KLF15: variants seen among roughly 807,000 people sequenced by gnomAD.
KLF15 encodes KLF transcription factor 15.
A neutral mutation model predicts 24.6 loss-of-function variants in KLF15; 4 were observed. That is an observed-to-expected ratio of 0.16 (90% CI 0.08 to 0.37). The LOEUF (loss-of-function observed/expected upper bound fraction) is 0.37, where lower values mean the gene tolerates loss of function less well. Ranked by LOEUF, KLF15 falls within the 10% of genes least tolerant of loss-of-function variation. The probability of loss-of-function intolerance (pLI) is 1.00; values close to 1 mark genes in which losing one functional copy is unlikely to be tolerated. For missense variants in KLF15, 496 were observed against 560.6 expected (o/e 0.88, Z 1.16); for synonymous variants, 246 against 236.3 (o/e 1.04, Z -0.37).
At chr3:126,319,163 C>A in the KLF15 span, among the ~76,000 whole-genome samples, 5 of 152,160 alleles carry the variant, frequency 3.3e-5, no homozygotes, top group Non-Finnish European at 1.5e-5. Context: ...TCCATCGTCT[C>A]GATGTACCAC....
At chr3:126,328,345 G>T in the KLF15 span, among the ~76,000 whole-genome samples, 2 of 152,188 alleles carry the variant, frequency 1.3e-5, no homozygotes, top group African/African-American at 4.8e-5. Context: ...ATGGGCTTTT[G>T]GGTTGGTTCT....
chr3:126,320,576 T>C, the KLF15 span, among the ~76,000 whole-genome samples: 2 of 152,226 alleles, frequency 1.3e-5, no homozygotes, highest in African/African-American at 4.8e-5. Flanking sequence ...ACACAAGTAT[T>C]GCACATACAG....
At chr3:126,339,143 G>A (rs2082460886), downstream of KLF15, among the ~76,000 whole-genome samples, 1 of 152,164 alleles carries the variant, frequency 6.6e-6, no homozygotes, top group South Asian at 2.1e-4. Context: ...GGTCCTTGGT[G>A]TCCCTTCCTG....
chr3:126,301,776 G>T, the KLF15 span, among the ~76,000 whole-genome samples: 1 of 151,380 alleles, frequency 6.6e-6, no homozygotes, highest in Non-Finnish European at 1.5e-5. Context: ...CACCATGCCC[G>T]GCTAATTTTT....
At chr3:126,292,621 C>A in the KLF15 span, among the ~76,000 whole-genome samples, 1 of 151,994 alleles carries the variant, frequency 6.6e-6, no homozygotes, top group Non-Finnish European at 1.5e-5. Flanking sequence ...GCATTCCAGG[C>A]AGGAATAAGC....
chr3:126,295,456 C>G, the KLF15 span, among the ~76,000 whole-genome samples: 1 of 152,188 alleles, frequency 6.6e-6, no homozygotes, highest in Non-Finnish European at 1.5e-5. Flanking sequence ...GATTAGTTTC[C>G]CCGTTGGTTT....
the KLF15 span, among the ~76,000 whole-genome samples, chr3:126,299,482 G>A: frequency 6.6e-6 from 1 of 152,098 alleles, no homozygotes; most frequent in Non-Finnish European, 1.5e-5. Context: ...GGGCACGGTG[G>A]CTCACGCCTG....
chr3:126,354,138 G>C (rs759941602), intron 1 of KLF15: 1 of 152,386 alleles, frequency 6.6e-6, no homozygotes, highest in Non-Finnish European at 1.5e-5. Context: ...TTGATAGAGA[G>C]GAGAAGGGAA....
At chr3:126,327,487 T>A in the KLF15 span, among the ~76,000 whole-genome samples, 1 of 152,064 alleles carries the variant, frequency 6.6e-6, no homozygotes, top group African/African-American at 2.4e-5. Flanking sequence ...CAAGAGATCA[T>A]GGGTGCTGTG....
Position 126,343,664 on chromosome 3 carries a change from C to T in KLF15, c.*63G>A. 6.0e-6 allele frequency: 9 copies of T among 1,508,080 alleles called. No individual in the cohort carries two copies. The highest frequency in any genetic ancestry group is 8.1e-6 in the Non-Finnish European group (9 of 1,111,288). 93.4% of individuals were successfully genotyped at this position (1,508,080 alleles called of 1,614,324 possible). A position where few individuals can be genotyped will look rare whatever the true frequency, so the allele number is the denominator to read the frequency against. On this transcript the variant is annotated 3_prime_UTR_variant, in exon 3 of 3. Coordinates refer to ENST00000296233, the MANE Select transcript of KLF15 (RefSeq NM_014079.4). ...TCTGGAGGAGGCAAATAAATTATTGCTTAAAAAAATGGGGATGGGGTGGGG... is the reference window on the plus strand; with the variant it reads ...TCTGGAGGAGGCAAATAAATTATTGTTTAAAAAAATGGGGATGGGGTGGGG...
At chr3:126,323,493 T>TATATGTTATATATATATATAAC in the KLF15 span, among the ~76,000 whole-genome samples, 4 of 133,106 alleles carry the variant, frequency 3.0e-5, no homozygotes, top group Non-Finnish European at 3.2e-5. Flanking sequence ...ATATAACATA[T>TATATGTTATATATATATATAAC]ATATATATAA....
the KLF15 span, among the ~76,000 whole-genome samples, chr3:126,317,271 G>A: frequency 1.3e-5 from 2 of 152,182 alleles, no homozygotes; most frequent in Non-Finnish European, 2.9e-5. Context: ...AGTCAGACAT[G>A]AGCAGGGCAG....
the KLF15 span, among the ~76,000 whole-genome samples, chr3:126,309,046 A>G: frequency 1.3e-5 from 2 of 152,224 alleles, no homozygotes; most frequent in South Asian, 4.1e-4. Flanking sequence ...ATGTGTGGAG[A>G]GCAGGCATCA....
intron 2 of KLF15, among the ~76,000 whole-genome samples, chr3:126,344,375 C>T (rs1197905879): frequency 6.6e-6 from 1 of 152,184 alleles, no homozygotes; most frequent in East Asian, 1.9e-4. Flanking sequence ...TGCCACCCCT[C>T]CAAGATGGAA....
intron 2 of KLF15, among the ~76,000 whole-genome samples, chr3:126,349,904 A>AT (rs1312156726): frequency 8.5e-5 from 13 of 152,170 alleles, no homozygotes; most frequent in Non-Finnish European, 1.5e-4. Flanking sequence ...GGCTGGAGAG[A>AT]ATGCCTTCAG....
At chr3:126,320,577 G>T in the KLF15 span, among the ~76,000 whole-genome samples, 1 of 152,198 alleles carries the variant, frequency 6.6e-6, no homozygotes, top group Non-Finnish European at 1.5e-5. Context: ...CACAAGTATT[G>T]CACATACAGA....
chr3:126,343,694 G>T lies in KLF15; in HGVS notation c.*33C>A. Reference sequence around the variant, plus strand: ...AAAAATGGGGATGGGGTGGGGATCCGGGGTGACGGACAGGCTGGGGTTCAG... The same window carrying T: ...AAAAATGGGGATGGGGTGGGGATCCTGGGTGACGGACAGGCTGGGGTTCAG... On this transcript the variant is annotated 3_prime_UTR_variant, in exon 3 of 3. Coordinates refer to ENST00000296233, the MANE Select transcript of KLF15 (RefSeq NM_014079.4). 1 of 1,592,400 alleles carries T rather than the reference G, an allele frequency of 6.3e-7. No homozygotes were observed. The highest frequency in any genetic ancestry group is 1.1e-5 in the South Asian group (1 of 88,080).
At chr3:126,331,983 G>A in the KLF15 span, among the ~76,000 whole-genome samples, 1 of 152,178 alleles carries the variant, frequency 6.6e-6, no homozygotes, top group Non-Finnish European at 1.5e-5. Flanking sequence ...AGGCGCCAGC[G>A]AGGCTGGGGG....
the KLF15 span, among the ~76,000 whole-genome samples, chr3:126,331,911 GA>G: frequency 6.6e-6 from 1 of 152,252 alleles, no homozygotes; most frequent in African/African-American, 2.4e-5. Context: ...ACCTGGCTCG[GA>G]GGGTCCTACG....
Sources: allele counts gnomAD v4.1 joint callset (sites outside exome capture counted in the v4.1 genomes callset), GRCh38; gene constraint gnomAD v4.1.1; transcripts MANE v1.5; gene names NCBI Gene and HGNC (gene_info 2026-07-23, HGNC 2026-07-21).